XKR4: variants seen among roughly 807,000 people sequenced by gnomAD.
The protein encoded by XKR4 is XK related 4, also known as XK-related protein 4.
A neutral mutation model predicts 53.9 loss-of-function variants in XKR4; 12 were observed. The observed-to-expected ratio is 0.22, with a 90% CI of 0.14 to 0.36. XKR4 has a LOEUF of 0.36. Ranked by LOEUF, XKR4 falls within the 10% of genes least tolerant of loss-of-function variation. XKR4 has a pLI of 1.00. For missense variants in XKR4, 799 were observed against 859.5 expected (o/e 0.93, Z 0.88); for synonymous variants, 354 against 362.4 (o/e 0.98, Z 0.26).
intron 1 of XKR4, among the ~76,000 whole-genome samples, chr8:55,169,767 C>T (rs963453135): frequency 6.6e-6 from 1 of 152,116 alleles, no homozygotes; most frequent in Non-Finnish European, 1.5e-5. Flanking sequence ...GTTGTAAAGC[C>T]ACAGTGGAAC....
At chr8:55,483,645 C>T (rs1014120845) in intron 2 of XKR4, among the ~76,000 whole-genome samples, 14 of 151,786 alleles carry the variant, frequency 9.2e-5, no homozygotes, top group Non-Finnish European at 2.1e-4. Flanking sequence ...TTTTTAAATA[C>T]ACTGTACTGA....
At chr8:55,378,165 A>C (rs1016393310) in intron 2 of XKR4, among the ~76,000 whole-genome samples, 35 of 152,248 alleles carry the variant, frequency 2.3e-4, no homozygotes, top group Admixed American at 2.3e-3. Flanking sequence ...CATGTGTAGA[A>C]TATGAAATAG....
intron 1 of XKR4, among the ~76,000 whole-genome samples, chr8:55,126,656 C>T (rs1816472459): frequency 1.3e-5 from 2 of 152,150 alleles, no homozygotes; most frequent in Non-Finnish European, 2.9e-5. Context: ...AAAAAGTTCC[C>T]ATCAGACTTT....
intron 1 of XKR4, among the ~76,000 whole-genome samples, chr8:55,301,413 G>A (rs1192711995): frequency 6.6e-6 from 1 of 151,818 alleles, no homozygotes; most frequent in African/African-American, 2.4e-5. Context: ...CATTTGGGTT[G>A]GTTCCAAGTC....
intron 1 of XKR4, among the ~76,000 whole-genome samples, chr8:55,303,464 TG>T (rs1333807064): frequency 6.6e-6 from 1 of 152,126 alleles, no homozygotes; most frequent in Non-Finnish European, 1.5e-5. Context: ...TTCTCTTTTT[TG>T]GTTGTGTCTC....
chr8:55,192,434 T>C (rs1203224451), intron 1 of XKR4, among the ~76,000 whole-genome samples: 1 of 152,074 alleles, frequency 6.6e-6, no homozygotes, highest in Non-Finnish European at 1.5e-5. Flanking sequence ...GTGAATGTTT[T>C]GTTTATGCAA....
Position 55,339,916 on chromosome 8 carries a change from G to A in XKR4, c.807-17762G>A, listed in dbSNP as rs149646206. Among the ~76,000 whole-genome samples the A allele has an allele frequency of 3.3e-3, 507 of 152,102 alleles. 5 individuals are homozygous for A. The highest frequency in any genetic ancestry group is 5.7e-3 in the Non-Finnish European group (387 of 68,006). On this transcript the variant is annotated intron_variant, in intron 1 of 2. Transcript: ENST00000327381. The stretch of plus-strand genomic sequence containing the variant: ...TATTCCCTAAATAAAGCATGAAATC[G>A]GTTGGATTTTCCTCTATGACCTGAA...
intron 2 of XKR4, among the ~76,000 whole-genome samples, chr8:55,494,452 C>T (rs1806313830): frequency 6.6e-6 from 1 of 152,204 alleles, no homozygotes; most frequent in Non-Finnish European, 1.5e-5. Context: ...TTTAGCCCCG[C>T]CATTCAATGG....
At chr8:55,472,657 C>T (rs58152391) in intron 2 of XKR4, among the ~76,000 whole-genome samples, 2,363 of 152,108 alleles carry the variant, frequency 0.016, 67 homozygotes, top group African/African-American at 0.054. Flanking sequence ...AGGTGATGCG[C>T]ACTGTCATAT....
intron 1 of XKR4, among the ~76,000 whole-genome samples, chr8:55,278,104 G>GT (rs1318829413): frequency 6.6e-6 from 1 of 152,068 alleles, no homozygotes; most frequent in Non-Finnish European, 1.5e-5. Context: ...GGAGGGTGAG[G>GT]TGGGTGCATC....
intron 2 of XKR4, among the ~76,000 whole-genome samples, chr8:55,487,802 A>G (rs1183442721): frequency 6.6e-6 from 1 of 152,124 alleles, no homozygotes; most frequent in Non-Finnish European, 1.5e-5. Context: ...GACACCTAAA[A>G]TTAAATTCAC....
intron 2 of XKR4, among the ~76,000 whole-genome samples, chr8:55,403,327 T>C (rs1223577529): frequency 1.3e-5 from 2 of 152,246 alleles, no homozygotes; most frequent in African/African-American, 2.4e-5. Flanking sequence ...GGCTTTTAAA[T>C]AGTTTTCCTA....
At chr8:55,422,395 G>A (rs1804948128) in intron 2 of XKR4, among the ~76,000 whole-genome samples, 1 of 152,210 alleles carries the variant, frequency 6.6e-6, no homozygotes, top group African/African-American at 2.4e-5. Context: ...GGATTTAAAG[G>A]AAGGAGAGAA....
At chr8:55,171,830 T>C (rs1817162713) in intron 1 of XKR4, among the ~76,000 whole-genome samples, 1 of 152,048 alleles carries the variant, frequency 6.6e-6, no homozygotes, top group South Asian at 2.1e-4. Flanking sequence ...CATCTGTGCC[T>C]CCCGAGTCCA....
intron 2 of XKR4, among the ~76,000 whole-genome samples, chr8:55,435,578 T>C (rs1389018816): frequency 9.2e-5 from 14 of 151,406 alleles, no homozygotes; most frequent in South Asian, 6.3e-4. Context: ...TTTTATTTTT[T>C]TTTAATTTTG....
At chr8:55,103,652 C>A (rs1277799004) in intron 1 of XKR4, among the ~76,000 whole-genome samples, 1 of 151,744 alleles carries the variant, frequency 6.6e-6, no homozygotes, top group Non-Finnish European at 1.5e-5. Context: ...CCTGTCACAT[C>A]TTCTAAAATT....
chr8:55,387,321 C>G (rs1208800587), intron 2 of XKR4, among the ~76,000 whole-genome samples: 3 of 152,148 alleles, frequency 2.0e-5, no homozygotes, highest in Admixed American at 6.5e-5. Flanking sequence ...CTGTGACTAT[C>G]GTGGATCACC....
At position 55,524,460 on chromosome 8, in the gene XKR4, T is replaced by C. The variant is rs1806853561; in HGVS notation, c.*233T>C. 1.8e-6 allele frequency: 1 copy of C among 552,960 alleles called. No individual in the cohort carries two copies. Among genetic ancestry groups the C allele is most frequent in the African/African-American group, 1.9e-5 (1 of 53,172 alleles). The allele number at this position is 552,960 out of a possible 1,614,324, so 34.3% of individuals were successfully genotyped here. On this transcript the variant is annotated 3_prime_UTR_variant, in exon 3 of 3. Coordinates refer to ENST00000327381, the MANE Select transcript of XKR4 (RefSeq NM_052898.2). Reference sequence around the variant, plus strand: ...AAGAATGACGCTGGCTTAATAGGACTCTCCATTGCTACCAAACTCCTCCTG... The same window carrying C: ...AAGAATGACGCTGGCTTAATAGGACCCTCCATTGCTACCAAACTCCTCCTG...
intron 1 of XKR4, among the ~76,000 whole-genome samples, chr8:55,193,259 G>GT (rs1193596998): frequency 1.3e-5 from 2 of 151,988 alleles, no homozygotes; most frequent in South Asian, 2.1e-4. Flanking sequence ...ATCAGTAGAT[G>GT]TTTTTTCTGT....
Sources: allele counts gnomAD v4.1 joint callset (sites outside exome capture counted in the v4.1 genomes callset), GRCh38; gene constraint gnomAD v4.1.1; transcripts MANE v1.5; gene names NCBI Gene and HGNC (gene_info 2026-07-23, HGNC 2026-07-21).